The following ANKS1B variants were observed in gnomAD, a reference collection of about 807,000 sequenced individuals.
ANKS1B encodes the protein ankyrin repeat and sterile alpha motif domain containing 1B, also known as ankyrin repeat and sterile alpha motif domain-containing protein 1B.
Under a neutral mutation model 148.3 loss-of-function variants are expected in ANKS1B, and 36 were observed. The ratio of observed to expected loss-of-function variants is 0.24; its 90% confidence interval spans 0.19 to 0.32. The LOEUF (loss-of-function observed/expected upper bound fraction) is 0.32, where lower values mean the gene tolerates loss of function less well. Ranked by LOEUF, ANKS1B falls within the 10% of genes least tolerant of loss-of-function variation. The probability of loss-of-function intolerance (pLI) is 1.00; values close to 1 mark genes in which losing one functional copy is unlikely to be tolerated. For missense variants in ANKS1B, 1,157 were observed against 1,542.6 expected, an observed-to-expected ratio of 0.75 and a Z score of 4.19; for synonymous variants, 542 against 560.8, an observed-to-expected ratio of 0.97 and a Z score of 0.47.
intron 19 of ANKS1B, among the ~76,000 whole-genome samples, chr12:98,821,040 A>C (rs2099185559): frequency 6.6e-6 from 1 of 152,230 alleles, no homozygotes; most frequent in Non-Finnish European, 1.5e-5. Context: ...ACTTCGAAAA[A>C]ATACCATTTT....
chr12:98,897,934 C>T (rs2099767097), intron 17 of ANKS1B, among the ~76,000 whole-genome samples: 1 of 152,126 alleles, frequency 6.6e-6, no homozygotes, highest in Non-Finnish European at 1.5e-5. Context: ...AGCTTGAAGC[C>T]ATTATCCTAA....
chr12:99,241,465 A>G (rs1213738151), intron 14 of ANKS1B, among the ~76,000 whole-genome samples: 2 of 152,232 alleles, frequency 1.3e-5, no homozygotes, highest in Admixed American at 1.3e-4. Flanking sequence ...GTTCTACCAG[A>G]GGTACAAAGA....
At chr12:99,563,239 T>G (rs187472532) in intron 9 of ANKS1B, among the ~76,000 whole-genome samples, 1 of 152,336 alleles carries the variant, frequency 6.6e-6, no homozygotes, top group East Asian at 1.9e-4. Context: ...ACTTTTCCTT[T>G]GCGTTTACAA....
At position 98,807,893 on chromosome 12, in the gene ANKS1B, G is replaced by A. The variant is rs756613174; in HGVS notation, c.3092C>T (p.Thr1031Met). The A allele has an allele frequency of 5.6e-6, 9 of 1,612,960 alleles. No homozygotes were observed. The highest frequency in any genetic ancestry group is 2.7e-5 in the African/African-American group (2 of 74,828). Residue 1031 changes from threonine (T) to methionine (M), a missense_variant, in exon 20 of 27, where the codon ACG becomes ATG. Transcript: ENST00000683438. ...AQQSSVCEIW[T>M]NQNAGFPFSA... Reference sequence around the variant, plus strand: ...GAAAGGAAATCCTGCGTTCTGATTCGTCCATATTTCACAGACAGACGACTG... The same window carrying A: ...GAAAGGAAATCCTGCGTTCTGATTCATCCATATTTCACAGACAGACGACTG...
intron 12 of ANKS1B, among the ~76,000 whole-genome samples, chr12:99,316,392 G>C (rs919308929): frequency 2.0e-5 from 3 of 152,162 alleles, no homozygotes; most frequent in South Asian, 4.2e-4. Flanking sequence ...ATCTAGTTGT[G>C]GTTTTGATTT....
rs552893091 is a variant in ANKS1B, at chr12:99,238,212, C to T, written c.2419+6130G>A. Among the ~76,000 whole-genome samples, 14 of 152,332 alleles carry T rather than the reference C, an allele frequency of 9.2e-5. No homozygotes were observed. In the South Asian group the frequency reaches 2.9e-3, roughly 32 times the overall value. On this transcript the variant is annotated intron_variant, in intron 14 of 26. Transcript: ENST00000683438. ...TCCTGATCAAATACTGCACTTTTCC[C>T]ACAGTCTTAGCAACTGGCAGACCAG...
At chr12:99,700,938 C>T (rs2054712739) in intron 8 of ANKS1B, among the ~76,000 whole-genome samples, 1 of 152,192 alleles carries the variant, frequency 6.6e-6, no homozygotes, top group African/African-American at 2.4e-5. Flanking sequence ...TGAACTGGTG[C>T]TTATCTCTTA....
chr12:99,491,020 T>C (rs2096549627), intron 10 of ANKS1B, among the ~76,000 whole-genome samples: 1 of 152,192 alleles, frequency 6.6e-6, no homozygotes, highest in Non-Finnish European at 1.5e-5. Flanking sequence ...AGTGATTCCA[T>C]GAAGTAAGAG....
intron 8 of ANKS1B, among the ~76,000 whole-genome samples, chr12:99,659,156 T>G (rs1409025876): frequency 6.6e-6 from 1 of 152,196 alleles, no homozygotes; most frequent in African/African-American, 2.4e-5. Flanking sequence ...GGTTTAGCAC[T>G]GCCCCCTAAA....
chr12:99,043,274 A>G (rs1406481526), intron 17 of ANKS1B, among the ~76,000 whole-genome samples: 1 of 152,242 alleles, frequency 6.6e-6, no homozygotes, highest in Non-Finnish European at 1.5e-5. Flanking sequence ...TGTGGAATAC[A>G]CAGTAGAGGG....
chr12:99,064,897 C>G (rs2043599712), intron 16 of ANKS1B, among the ~76,000 whole-genome samples: 1 of 152,146 alleles, frequency 6.6e-6, no homozygotes. Context: ...TTTTTACCAT[C>G]TTTTCATTTC....
chr12:99,883,623 G>GA (rs1565922710), intron 1 of ANKS1B, among the ~76,000 whole-genome samples: 2 of 151,064 alleles, frequency 1.3e-5, no homozygotes, highest in Admixed American at 6.6e-5. Context: ...GGGCAGGGGG[G>GA]AATCTGCAAA....
chr12:99,661,498 C>G (rs1047832074), intron 8 of ANKS1B, among the ~76,000 whole-genome samples: 3 of 152,146 alleles, frequency 2.0e-5, no homozygotes, highest in Admixed American at 2.0e-4. Flanking sequence ...GTTATTGGAC[C>G]ATGAGAATAA....
chr12:99,140,383 T>C (rs1442393846), intron 15 of ANKS1B, among the ~76,000 whole-genome samples: 1 of 152,238 alleles, frequency 6.6e-6, no homozygotes, highest in Non-Finnish European at 1.5e-5. Flanking sequence ...TATTTCAGTA[T>C]TCCTGGAATA....
At chr12:99,218,942 G>T (rs190111168) in intron 14 of ANKS1B, among the ~76,000 whole-genome samples, 5 of 152,250 alleles carry the variant, frequency 3.3e-5, no homozygotes, top group African/African-American at 1.2e-4. Flanking sequence ...ACCTATATAC[G>T]TATTATACAT....
At chr12:99,978,905 C>T (rs11110167) in intron 1 of ANKS1B, among the ~76,000 whole-genome samples, 9,340 of 152,038 alleles carry the variant, frequency 0.061, 322 homozygotes, top group Middle Eastern at 0.14. Flanking sequence ...CTCAACTCTT[C>T]GAGGCATTAA....
At chr12:99,502,113 C>G in intron 10 of ANKS1B, among the ~76,000 whole-genome samples, 1 of 152,070 alleles carries the variant, frequency 6.6e-6, no homozygotes, top group East Asian at 1.9e-4. Context: ...CAATACATAG[C>G]TGTGTCTTCA....
intron 17 of ANKS1B, among the ~76,000 whole-genome samples, chr12:99,051,129 G>C (rs1217879850): frequency 6.6e-6 from 1 of 152,174 alleles, no homozygotes; most frequent in Non-Finnish European, 1.5e-5. Context: ...ACAAGGTCTG[G>C]CTGCAGTCAC....
chr12:98,976,912 C>T (rs2099897402), intron 17 of ANKS1B, among the ~76,000 whole-genome samples: 2 of 152,152 alleles, frequency 1.3e-5, no homozygotes, highest in South Asian at 4.1e-4. Context: ...AAGTAATTAG[C>T]TATTAGACTA....
Sources: gnomAD v4.1 joint callset for allele counts (sites outside exome capture counted in the v4.1 genomes callset) on GRCh38, gnomAD v4.1.1 for gene constraint, MANE v1.5 for transcripts, NCBI Gene and HGNC (gene_info 2026-07-23, HGNC 2026-07-21) for gene names.